SNW1: variants seen among roughly 807,000 people sequenced by gnomAD.
SNW1 encodes SNW domain-containing protein 1.
SNW1 carries 9 observed loss-of-function variants against 75.6 expected under a neutral mutation model. The ratio of observed to expected loss-of-function variants is 0.12; its 90% CI spans 0.07 to 0.21. SNW1 has a LOEUF of 0.21. Ranked by LOEUF, SNW1 falls within the 10% of genes least tolerant of loss-of-function variation. The probability of loss-of-function intolerance (pLI) is 1.00; values close to 1 mark genes in which losing one functional copy is unlikely to be tolerated. For synonymous variants in SNW1, 200 were observed against 219.1 expected (o/e 0.91, Z 0.77); for missense variants, 409 against 670.9 (o/e 0.61, Z 4.31).
chr14:77,756,908 T>G (rs1318239515), intron 1 of SNW1, among the ~76,000 whole-genome samples: 1 of 152,030 alleles, frequency 6.6e-6, no homozygotes, highest in Non-Finnish European at 1.5e-5. Context: ...AAAAAAACCC[T>G]TAGAGGCCAA....
chr14:77,728,066 A>AT (rs2080599338), intron 10 of SNW1, among the ~76,000 whole-genome samples: 1 of 151,722 alleles, frequency 6.6e-6, no homozygotes, highest in Non-Finnish European at 1.5e-5. Context: ...AAAAAAAAAA[A>AT]ATTAGTGTAG....
At chr14:77,721,068 G>A (rs2080536397) in intron 11 of SNW1, 6 of 468,848 alleles carry the variant, frequency 1.3e-5, no homozygotes, top group South Asian at 1.0e-4. Context: ...TAACAGATTC[G>A]TTGACATGGA....
chr14:77,737,174 C>T (rs1366459223), intron 5 of SNW1, 99 bp from the exon 6 acceptor site: 3 of 824,662 alleles, frequency 3.6e-6, no homozygotes, highest in Non-Finnish European at 6.1e-6. Context: ...ATTTTCAATT[C>T]CTTTCGCAAA....
chr14:77,725,754 A>C (rs1486883510), intron 10 of SNW1, among the ~76,000 whole-genome samples: 1 of 152,080 alleles, frequency 6.6e-6, no homozygotes, highest in Non-Finnish European at 1.5e-5. Context: ...CCTGTCTCTA[A>C]AATAACACAA....
chr14:77,745,927 G>A (rs2080757397), intron 3 of SNW1, among the ~76,000 whole-genome samples: 3 of 151,770 alleles, frequency 2.0e-5, no homozygotes, highest in African/African-American at 7.3e-5. Context: ...AGAAAGCTGG[G>A]GTGAAAGGAT....
chr14:77,748,187 T>C (rs150026885), intron 3 of SNW1, among the ~76,000 whole-genome samples: 9 of 152,282 alleles, frequency 5.9e-5, no homozygotes, highest in African/African-American at 1.9e-4. Flanking sequence ...AAGATGTGCT[T>C]TGTTAAACAG....
chr14:77,739,846 AC>A (rs2080702977), intron 3 of SNW1, among the ~76,000 whole-genome samples: 1 of 152,058 alleles, frequency 6.6e-6, no homozygotes, highest in South Asian at 2.1e-4. Context: ...AAAAAGAGAT[AC>A]AGAGGGGCCG....
intron 10 of SNW1, among the ~76,000 whole-genome samples, chr14:77,727,620 C>A (rs566835764): frequency 3.9e-5 from 6 of 152,108 alleles, no homozygotes; most frequent in Non-Finnish European, 8.8e-5. Flanking sequence ...TTTTCAAATG[C>A]TTTTTCAGTT....
chr14:77,725,001 C>G (rs753385813), intron 10 of SNW1, among the ~76,000 whole-genome samples: 1 of 152,122 alleles, frequency 6.6e-6, no homozygotes, highest in Non-Finnish European at 1.5e-5. Context: ...TCTGTATCCT[C>G]GCCAGCATCT....
intron 7 of SNW1, 42 bp downstream of exon 7, chr14:77,735,895 C>A (rs1171495346): frequency 3.3e-6 from 5 of 1,507,350 alleles, no homozygotes; most frequent in Non-Finnish European, 4.6e-6. Flanking sequence ...AAATTAATAA[C>A]CATGAGTAGA....
chr14:77,760,505 C>G (rs1856728556), intron 1 of SNW1: 2 of 609,604 alleles, frequency 3.3e-6, no homozygotes, highest in African/African-American at 1.9e-5. Flanking sequence ...CTAAGGTAAC[C>G]GGAAACAGCA....
At chr14:77,720,951 C>CAT in intron 11 of SNW1, 123 bp from the exon 12 acceptor site, 2 of 695,960 alleles carry the variant, frequency 2.9e-6, no homozygotes, top group Non-Finnish European at 5.1e-6. Context: ...ATCTTGTGAA[C>CAT]ATATATTCCT....
chr14:77,752,145 G>A (rs2080814064), intron 2 of SNW1, among the ~76,000 whole-genome samples: 1 of 152,186 alleles, frequency 6.6e-6, no homozygotes, highest in South Asian at 2.1e-4. Flanking sequence ...ACATATTTTA[G>A]TGAGGAACAG....
intron 11 of SNW1, 39 bp downstream of exon 11, chr14:77,723,142 C>T (rs757854166): frequency 3.0e-5 from 46 of 1,531,394 alleles, no homozygotes; most frequent in Admixed American, 6.7e-5. Context: ...CCACTGCGCC[C>T]GGCCACCATG....
intron 3 of SNW1, among the ~76,000 whole-genome samples, chr14:77,747,567 G>C (rs2080771236): frequency 1.4e-5 from 2 of 146,874 alleles, no homozygotes; most frequent in African/African-American, 5.0e-5. Flanking sequence ...TGCCCAGCCG[G>C]GACCCTGTCT....
At chr14:77,748,272 C>T (rs983506034) in intron 3 of SNW1, among the ~76,000 whole-genome samples, 6 of 152,118 alleles carry the variant, frequency 3.9e-5, no homozygotes, top group East Asian at 1.9e-4. Flanking sequence ...ACAAACACTG[C>T]GGAAGGCCGC....
intron 12 of SNW1, among the ~76,000 whole-genome samples, chr14:77,720,026 A>C (rs2139889909): frequency 6.6e-6 from 1 of 152,256 alleles, no homozygotes; most frequent in East Asian, 1.9e-4. Context: ...ATTTCCTGAC[A>C]GCCAGCCTAG....
chr14:77,740,135 TAAAAAAA>T (rs1170373918), intron 3 of SNW1, among the ~76,000 whole-genome samples: 62 of 65,198 alleles, frequency 9.5e-4, no homozygotes, highest in African/African-American at 3.4e-3. Context: ...CACTGTATAT[TAAAAAAA>T]AAAAAAAAAA....
intron 1 of SNW1, 174 bp downstream of exon 1, chr14:77,760,940 A>C: frequency 6.9e-7 from 1 of 1,449,442 alleles, no homozygotes; most frequent in African/African-American, 1.4e-5. Flanking sequence ...GAAAGACCCC[A>C]GCTTCGACTA....
Sources: allele counts gnomAD v4.1 joint callset (sites outside exome capture counted in the v4.1 genomes callset), GRCh38; gene constraint gnomAD v4.1.1; transcripts MANE v1.5; gene names NCBI Gene and HGNC (gene_info 2026-07-23, HGNC 2026-07-21).